The following VASH2 variants were observed in gnomAD, a reference collection of about 807,000 sequenced individuals.
The protein encoded by VASH2 is tubulinyl-Tyr carboxypeptidase 2.
A neutral mutation model predicts 37.2 loss-of-function variants in VASH2; 28 were observed. The observed-to-expected ratio is 0.75, with a 90% confidence interval of 0.56 to 1.03. The LOEUF (loss-of-function observed/expected upper bound fraction) is 1.03, where lower values mean the gene tolerates loss of function less well. Among genes scored for constraint, VASH2 ranks in the 50% least tolerant of loss-of-function variants. The pLI is 0.00. For missense variants in VASH2, 419 were observed against 459.1 expected (o/e 0.91, Z 0.80); for synonymous variants, 188 against 174.7 (o/e 1.08, Z -0.60).
At chr1:212,985,397 C>G (rs562970680) in intron 7 of VASH2, among the ~76,000 whole-genome samples, 1 of 150,094 alleles carries the variant, frequency 6.7e-6, no homozygotes, top group Non-Finnish European at 1.5e-5. Context: ...CTTCCTGCTG[C>G]GCTGCCATCT....
In VASH2 at chr1:212,966,334, C is replaced by A; in HGVS notation, c.486C>A (p.Val162=). The A allele has an allele frequency of 6.4e-7, 1 of 1,551,650 alleles. No homozygotes were observed. Among genetic ancestry groups the A allele is most frequent in the South Asian group, 1.2e-5 (1 of 84,048 alleles). The change falls in exon 5 of 8, where the codon GTC becomes GTA. Residue 162 remains valine, a synonymous_variant. Coordinates refer to ENST00000517399, the MANE Select transcript of VASH2 (RefSeq NM_001301056.2). ...ESLPIKCLEA[V]ILGIYLTNGQ... Reference sequence around the variant, plus strand: ...TGCCTATCAAATGCCTTGAAGCTGTCATCCTGGGCATGTATCCTTTAAGTT... The same window carrying A: ...TGCCTATCAAATGCCTTGAAGCTGTAATCCTGGGCATGTATCCTTTAAGTT...
chr1:212,972,687 G>GCC lies in VASH2; in HGVS notation c.606_607dup (p.Arg203ProfsTer8). On this transcript the variant is annotated frameshift_variant, in exon 6 of 8. Coordinates refer to ENST00000517399, the MANE Select transcript of VASH2 (RefSeq NM_001301056.2). LOFTEE classifies it high-confidence loss of function. ...GTTGTGCTGGGGATTTACTGCAATG[G>GCC]CCGCTATGGCTCATTGGGCATGAGC... 2 of 1,614,212 alleles carry GCC rather than the reference G, an allele frequency of 1.2e-6. No homozygotes were observed. The highest frequency in any genetic ancestry group is 8.5e-7 in the Non-Finnish European group (1 of 1,180,050).
intron 5 of VASH2, chr1:212,968,655 C>G: frequency 1.0e-6 from 1 of 985,626 alleles, no homozygotes; most frequent in Non-Finnish European, 1.2e-6. Flanking sequence ...CCTGGGGAAC[C>G]CAGCAGGAAG....
Position 212,951,929 on chromosome 1 carries a change from T to C in VASH2, c.276+111T>C. On this transcript the variant is annotated intron_variant, in intron 2 of 7. Coordinates refer to ENST00000517399, the MANE Select transcript of VASH2 (RefSeq NM_001301056.2). This position sits in a 1 kb window ranked among gnomAD's most constrained non-coding sequence, Gnocchi z 4.4. ...GCAATCTCCATTTTCCTAGTCCTGC[T>C]ACAAACTCCCTTCCTCTCCCCATTC... 7.8e-7 allele frequency: 1 copy of C among 1,277,948 alleles called. No homozygotes were observed. Among genetic ancestry groups the C allele is most frequent in the Non-Finnish European group, 1.1e-6 (1 of 939,726 alleles). 79.2% of individuals were successfully genotyped at this position (1,277,948 alleles called of 1,614,324 possible).
chr1:212,981,390 C>T (rs1333294366), intron 7 of VASH2, among the ~76,000 whole-genome samples: 3 of 152,182 alleles, frequency 2.0e-5, no homozygotes, highest in Non-Finnish European at 2.9e-5. Flanking sequence ...TGAAGCTTCC[C>T]TTTCCCTGTG....
rs530192954 is a variant in VASH2, at chr1:212,971,690, G to A, written c.498-890G>A. 1.5e-4 allele frequency among the ~76,000 whole-genome samples: 23 copies of A among 152,264 alleles called. No individual in the cohort carries two copies. Among genetic ancestry groups the A allele is most frequent in the African/African-American group, 5.3e-4 (22 of 41,564 alleles). Reference sequence around the variant, plus strand: ...ACTGCTTTCTTTCTAGAGAGTGGAGGCATCCGTGATTAAACCGAGAGCAGA... The same window carrying A: ...ACTGCTTTCTTTCTAGAGAGTGGAGACATCCGTGATTAAACCGAGAGCAGA... On this transcript the variant is annotated intron_variant, in intron 5 of 7. Transcript: ENST00000517399. The surrounding 1 kb of genome is among the most constrained non-coding windows in gnomAD (Gnocchi z 4.0).
chr1:212,955,945 C>T (rs1666476199), intron 2 of VASH2, among the ~76,000 whole-genome samples: 1 of 152,226 alleles, frequency 6.6e-6, no homozygotes, highest in South Asian at 2.1e-4. Flanking sequence ...GCCTGGGGCT[C>T]ATTCTGGGCT....
chr1:212,955,181 C>A (rs1035465779), intron 2 of VASH2, among the ~76,000 whole-genome samples: 5 of 152,134 alleles, frequency 3.3e-5, no homozygotes, highest in Admixed American at 6.5e-5. Flanking sequence ...GGGGGATTAA[C>A]CATTTTTGGC....
At chr1:212,961,462 C>T in intron 3 of VASH2, 1 of 1,075,714 alleles carries the variant, frequency 9.3e-7, no homozygotes, top group Non-Finnish European at 1.3e-6. Flanking sequence ...GCTGGTTCCC[C>T]TTGAGCCCTT....
At chr1:212,968,394 C>T (rs978663129) in intron 5 of VASH2, 19 of 985,362 alleles carry the variant, frequency 1.9e-5, no homozygotes, top group African/African-American at 1.9e-4. Context: ...GGACATGTGG[C>T]TCAGAATTAG....
intron 7 of VASH2, among the ~76,000 whole-genome samples, chr1:212,983,287 A>G (rs569205741): frequency 6.6e-6 from 1 of 152,322 alleles, no homozygotes; most frequent in East Asian, 1.9e-4. Context: ...TGAGTCCTTT[A>G]TAATGAACAG....
At chr1:212,965,144 C>T (rs530915754) in intron 3 of VASH2, among the ~76,000 whole-genome samples, 4 of 152,354 alleles carry the variant, frequency 2.6e-5, no homozygotes, top group Admixed American at 2.0e-4. Context: ...TGGTGTCGAA[C>T]TCCTGACCTC....
intron 7 of VASH2, among the ~76,000 whole-genome samples, chr1:212,987,335 G>A (rs1157151803): frequency 2.0e-5 from 3 of 151,718 alleles, no homozygotes; most frequent in Non-Finnish European, 4.4e-5. Flanking sequence ...CAGCACTTTG[G>A]GAGACCGAGG....
rs556903441 is a variant in VASH2 at position 212,969,017 on chromosome 1, G to A, written c.497+2672G>A. 28 of 985,438 alleles carry A rather than the reference G, an allele frequency of 2.8e-5. No homozygotes were observed. The African/African-American group carries it at 4.7e-4, about 17-fold the overall frequency. 61.0% of individuals were successfully genotyped at this position (985,438 alleles called of 1,614,324 possible). On this transcript the variant is annotated intron_variant, in intron 5 of 7. Transcript: ENST00000517399. ...TTTTGGAATTGTGGGGATAGACCCA[G>A]GAACAGCCTTTGAGCCTGTCCAAAT...
chr1:212,959,573 G>A (rs946713497), intron 2 of VASH2, among the ~76,000 whole-genome samples: 4 of 152,350 alleles, frequency 2.6e-5, no homozygotes, highest in African/African-American at 9.6e-5. Context: ...AGAGAATTGA[G>A]GCAGTGAGAG....
intron 7 of VASH2, among the ~76,000 whole-genome samples, chr1:212,983,075 C>T (rs911348215): frequency 6.6e-6 from 1 of 152,182 alleles, no homozygotes; most frequent in Non-Finnish European, 1.5e-5. Context: ...ACAGATGATT[C>T]ACTATCATCC....
chr1:212,980,585 A>C (rs1667313333), intron 7 of VASH2, among the ~76,000 whole-genome samples: 1 of 152,170 alleles, frequency 6.6e-6, no homozygotes, highest in Non-Finnish European at 1.5e-5. Context: ...CAGGGCCTTG[A>C]GCTGGACAAT....
chr1:212,963,769 T>C (rs577258947), intron 3 of VASH2, among the ~76,000 whole-genome samples: 2 of 152,180 alleles, frequency 1.3e-5, no homozygotes, highest in South Asian at 4.2e-4. Context: ...AGGTACACTT[T>C]TTTTTTTTAT....
At chr1:212,957,186 T>C (rs1033162862) in intron 2 of VASH2, among the ~76,000 whole-genome samples, 6 of 152,276 alleles carry the variant, frequency 3.9e-5, no homozygotes, top group Non-Finnish European at 7.3e-5. Context: ...ATCTATGTGA[T>C]AGCATGTGTC....
Sources: gnomAD v4.1 joint callset for allele counts (sites outside exome capture counted in the v4.1 genomes callset) on GRCh38, gnomAD v4.1.1 for gene constraint, Gnocchi (gnomAD v3.1) non-coding constraint, MANE v1.5 for transcripts, NCBI Gene and HGNC (gene_info 2026-07-23, HGNC 2026-07-21) for gene names.